Variants in SPG11 observed in about 807,000 individuals in gnomAD.
SPG11 encodes spatacsin.
A neutral mutation model predicts 274.0 loss-of-function variants in SPG11; 222 were observed. The ratio of observed to expected loss-of-function variants is 0.81; its 90% CI spans 0.73 to 0.91. The LOEUF (loss-of-function observed/expected upper bound fraction) is 0.91, where lower values mean the gene tolerates loss of function less well. SPG11 is among the 40% of genes least tolerant of loss of function. SPG11 has a pLI of 0.00. For synonymous variants in SPG11, 1,144 were observed against 1,039.7 expected, an observed-to-expected ratio of 1.10 and a Z score of -1.93; for missense variants, 3,114 against 2,872.7, an observed-to-expected ratio of 1.08 and a Z score of -1.92.
Position 44,652,258 on chromosome 15 carries a change from G to T in SPG11, c.878C>A (p.Pro293Gln). Residue 293 changes from proline (P) to glutamine (Q), a missense_variant, in exon 5 of 40, where the codon CCA becomes CAA. By Grantham distance (76) the Pro-to-Gln change is moderately conservative. Transcript: ENST00000261866. ...TATTCTTTCACACAGTAGGTGTCCT[G>T]GGTGTTGCCTACATTTAAAAATAAT... is the stretch of plus-strand genomic sequence containing the variant. ...LNLNLYFRQH[P>Q]GHLLCERILE... is the part of the protein sequence containing the mutation. 1 of 1,614,008 alleles carries T rather than the reference G, an allele frequency of 6.2e-7. No homozygotes were observed.
intron 17 of SPG11, among the ~76,000 whole-genome samples, chr15:44,611,990 TA>T (rs1668934419): frequency 6.6e-6 from 1 of 151,952 alleles, no homozygotes; most frequent in South Asian, 2.1e-4. Context: ...TTTGTATTTT[TA>T]GTAGAGACGG....
chr15:44,590,035 C>G, intron 27 of SPG11, among the ~76,000 whole-genome samples: 1 of 152,166 alleles, frequency 6.6e-6, no homozygotes, highest in Non-Finnish European at 1.5e-5. Context: ...TCTCGAACTC[C>G]TGACCTGATG....
In SPG11 at chr15:44,655,870, A is replaced by G. The variant is rs144495999; in HGVS notation, c.869+1225T>C. On this transcript the variant is annotated intron_variant, in intron 4 of 39. Coordinates refer to ENST00000261866, the MANE Select transcript of SPG11 (RefSeq NM_025137.4). ...AGGCCCAGTGAGGGAGTAATAACTA[A>G]TAATAGGACAATTACAACAATATAC... is the stretch of plus-strand genomic sequence containing the variant. 4.3e-3 allele frequency among the ~76,000 whole-genome samples: 654 copies of G among 152,346 alleles called. 4 individuals are homozygous for G. The highest frequency in any genetic ancestry group is 0.015 in the African/African-American group (631 of 41,578).
intron 20 of SPG11, chr15:44,604,199 TAAAA>T: frequency 1.5e-4 from 52 of 356,964 alleles, no homozygotes; most frequent in South Asian, 2.2e-4. Context: ...ACCTGATTCC[TAAAA>T]AAAAAAAAAA....
intron 7 of SPG11, among the ~76,000 whole-genome samples, chr15:44,639,656 T>C (rs908928076): frequency 2.6e-5 from 4 of 151,742 alleles, no homozygotes; most frequent in African/African-American, 7.3e-5. Flanking sequence ...GAGCCAGGAC[T>C]ATGCCACTGC....
chr15:44,621,753 A>G lies in SPG11; in HGVS notation c.2620+6T>C, dbSNP rs762381864. Reference sequence around the variant, plus strand: ...ATGTTCATATTTCAGGCTCTCTCACACTTGCCTTCTGGACTTATCCTGGGG... The same window carrying G: ...ATGTTCATATTTCAGGCTCTCTCACGCTTGCCTTCTGGACTTATCCTGGGG... On this transcript the variant is annotated splice_donor_region_variant and intron_variant, in intron 14 of 39. Transcript: ENST00000261866. The G allele has an allele frequency of 1.9e-5, 30 of 1,613,608 alleles. No homozygotes were observed. Among genetic ancestry groups the G allele is most frequent in the Non-Finnish European group, 2.5e-5 (29 of 1,179,728 alleles).
At chr15:44,566,185 C>A in intron 37 of SPG11, 32 bp downstream of exon 37, 1 of 1,611,724 alleles carries the variant, frequency 6.2e-7, no homozygotes, top group African/African-American at 1.3e-5. Context: ...CAGCAAGTCC[C>A]AAGGCCAGTC....
intron 8 of SPG11, among the ~76,000 whole-genome samples, chr15:44,632,778 G>A (rs2084110124): frequency 6.6e-6 from 1 of 151,980 alleles, no homozygotes; most frequent in South Asian, 2.1e-4. Context: ...AAAGTGTTAG[G>A]ATTACAGGGC....
Position 44,575,382 on chromosome 15 carries a change from T to C in SPG11, c.5867-341A>G, listed in dbSNP as rs538051101. 5.7e-4 allele frequency: 142 copies of C among 250,366 alleles called. 2 individuals carry two copies. In the South Asian group the frequency reaches 7.0e-3, roughly 12 times the overall value. The allele number at this position is 250,366 out of a possible 1,614,324, so 15.5% of individuals were successfully genotyped here. A position where few individuals can be genotyped will look rare whatever the true frequency, so the allele number is the denominator to read the frequency against. ...CACCAAGTATAGCTGACTATCTCCA[T>C]AACATCTCTCCAGTTGTGGCCTTAG... On this transcript the variant is annotated intron_variant, in intron 30 of 39. Transcript: ENST00000261866.
At chr15:44,642,517 G>T (rs550412195) in intron 7 of SPG11, among the ~76,000 whole-genome samples, 89 of 151,564 alleles carry the variant, frequency 5.9e-4, no homozygotes, top group African/African-American at 2.1e-3. Flanking sequence ...AGCATTATTT[G>T]GGGATACATT....
chr15:44,626,719 C>G (rs1378445973), intron 10 of SPG11, among the ~76,000 whole-genome samples: 1 of 152,046 alleles, frequency 6.6e-6, no homozygotes, highest in Non-Finnish European at 1.5e-5. Flanking sequence ...GATTATAGTA[C>G]TGTATGATAA....
At position 44,610,975 on chromosome 15, in the gene SPG11, C is replaced by T; in HGVS notation, c.3156G>A (p.Leu1052=). The T allele has an allele frequency of 6.2e-7, 1 of 1,611,442 alleles. No individual in the cohort carries two copies. Among genetic ancestry groups the T allele is most frequent in the Non-Finnish European group, 8.5e-7 (1 of 1,179,242 alleles). ...QVASNLTDPK[L]IFQASLANAQ... Reference sequence around the variant, plus strand: ...CATTTGCAAGGCTAGCCTGGAAGATCAGTTTGGGATCTGGAAAATAAAAGA... The same window carrying T: ...CATTTGCAAGGCTAGCCTGGAAGATTAGTTTGGGATCTGGAAAATAAAAGA... Residue 1052 remains leucine (L), a synonymous_variant, in exon 18 of 40, where the codon CTG becomes CTA. Transcript: ENST00000261866.
chr15:44,617,417 C>G (rs562638052), intron 15 of SPG11, among the ~76,000 whole-genome samples: 1 of 152,190 alleles, frequency 6.6e-6, no homozygotes, highest in African/African-American at 2.4e-5. Context: ...GGAGGGGAAT[C>G]TGATTAGATT....
At chr15:44,636,840 C>T (rs1326247453) in intron 7 of SPG11, among the ~76,000 whole-genome samples, 4 of 146,004 alleles carry the variant, frequency 2.7e-5, no homozygotes, top group Admixed American at 7.0e-5. Flanking sequence ...AGAGGAGAAT[C>T]GCTTGAACCC....
chr15:44,651,842 A>C lies in SPG11; in HGVS notation c.1105T>G (p.Leu369Val). 1 of 1,614,046 alleles carries C rather than the reference A, an allele frequency of 6.2e-7. No individual in the cohort carries two copies. The highest frequency in any genetic ancestry group is 8.5e-7 in the Non-Finnish European group (1 of 1,179,934). Residue 369 changes from leucine to valine, a missense_variant, in exon 6 of 40, where the codon TTG (leucine) becomes GTG (valine). Transcript: ENST00000261866. ...CAPWFQDILH[L>V]ESPESGNHST... is the part of the protein sequence containing the mutation. ...TGGTTACCAGATTCAGGTGACTCCA[A>C]ATGCAAAATATCCTGGAACCATGGA...
Position 44,608,625 on chromosome 15 carries a change from A to G in SPG11, c.3292-20T>C, listed in dbSNP as rs1446012116. 1 of 1,610,898 alleles carries G rather than the reference A, an allele frequency of 6.2e-7. No individual in the cohort carries two copies. Among genetic ancestry groups the G allele is most frequent in the African/African-American group, 1.3e-5 (1 of 74,798 alleles). On this transcript the variant is annotated intron_variant, in intron 18 of 39. Transcript: ENST00000261866. Reference sequence around the variant, plus strand: ...AACAACCTAAGTAAAAAAACAGATAACAGGTTGGACAGTAGCATTTTTCTC... The same window carrying G: ...AACAACCTAAGTAAAAAAACAGATAGCAGGTTGGACAGTAGCATTTTTCTC...
At chr15:44,607,575 T>C (rs1019407483) in intron 19 of SPG11, among the ~76,000 whole-genome samples, 5 of 152,194 alleles carry the variant, frequency 3.3e-5, no homozygotes, top group South Asian at 2.1e-4. Context: ...GGCTCCTTTA[T>C]AGAATTATAA....
intron 7 of SPG11, among the ~76,000 whole-genome samples, chr15:44,646,139 C>T (rs2084602264): frequency 6.6e-6 from 1 of 152,112 alleles, no homozygotes; most frequent in African/African-American, 2.4e-5. Context: ...GGTATATAAC[C>T]AAAGGAATAT....
At position 44,595,606 on chromosome 15, in the gene SPG11, A is replaced by G. The variant is rs1471181356; in HGVS notation, c.4435-147T>C. 4.5e-6 allele frequency: 4 copies of G among 886,450 alleles called. No individual in the cohort carries two copies. In the East Asian group the frequency reaches 1.1e-4, roughly 23 times the overall value. 54.9% of individuals were successfully genotyped at this position (886,450 alleles called of 1,614,324 possible). A position where few individuals can be genotyped will look rare whatever the true frequency, so the allele number is the denominator to read the frequency against. ...AAAGCCTTCAAACATGAAACAAACT[A>G]ATGAGCAACCAAGGGACTGTTCTAA... On this transcript the variant is annotated intron_variant, in intron 25 of 39. Transcript: ENST00000261866.
Sources: gnomAD v4.1 joint callset for allele counts (sites outside exome capture counted in the v4.1 genomes callset) on GRCh38, gnomAD v4.1.1 for gene constraint, MANE v1.5 for transcripts, NCBI Gene and HGNC (gene_info 2026-07-23, HGNC 2026-07-21) for gene names.